The following DPP6 variants were observed in gnomAD, a reference collection of about 807,000 sequenced individuals.
The protein encoded by DPP6 is dipeptidyl peptidase like 6.
DPP6 carries 69 observed loss-of-function variants against 122.6 expected under a neutral mutation model. The ratio of observed to expected loss-of-function variants is 0.56; its 90% CI spans 0.46 to 0.69. The LOEUF is 0.69. Ranked by LOEUF, DPP6 falls within the 30% of genes least tolerant of loss-of-function variation. The pLI is 0.00. For synonymous variants in DPP6, 418 were observed against 433.1 expected (o/e 0.97, Z 0.43); for missense variants, 928 against 1,116.9 (o/e 0.83, Z 2.41).
chr7:154,790,273 C>T (rs918863698), intron 10 of DPP6, among the ~76,000 whole-genome samples: 2 of 152,160 alleles, frequency 1.3e-5, no homozygotes, highest in Non-Finnish European at 2.9e-5. Flanking sequence ...GAAATGTTGA[C>T]TAGAGATGAG....
intron 1 of DPP6, among the ~76,000 whole-genome samples, chr7:154,204,804 C>T (rs958526244): frequency 8.8e-5 from 10 of 113,976 alleles, no homozygotes; most frequent in Non-Finnish European, 1.6e-4. Context: ...TGTGTCTGTA[C>T]GTGTGTGAGT....
At chr7:154,851,485 T>A (rs1802378339) in intron 16 of DPP6, among the ~76,000 whole-genome samples, 1 of 152,224 alleles carries the variant, frequency 6.6e-6, no homozygotes, top group Non-Finnish European at 1.5e-5. Context: ...AATAACTGAT[T>A]CTTTCTTCTA....
intron 1 of DPP6, among the ~76,000 whole-genome samples, chr7:153,925,403 C>T (rs1800842582): frequency 6.6e-6 from 1 of 150,894 alleles, no homozygotes. Context: ...CGTGGAGGGT[C>T]CCTGAGGTTC....
At chr7:154,088,003 TC>T (rs1804548699) in intron 1 of DPP6, among the ~76,000 whole-genome samples, 1 of 152,130 alleles carries the variant, frequency 6.6e-6, no homozygotes, top group African/African-American at 2.4e-5. Flanking sequence ...TCTCTTGTCT[TC>T]CTGGGTGTGC....
At chr7:154,738,711 A>G (rs1660408975) in intron 8 of DPP6, among the ~76,000 whole-genome samples, 1 of 152,228 alleles carries the variant, frequency 6.6e-6, no homozygotes, top group Non-Finnish European at 1.5e-5. Flanking sequence ...AAGAGGAAAT[A>G]TTAGAAATTT....
At position 154,160,665 on chromosome 7, in the gene DPP6, C is replaced by T. The variant is rs991343540; in HGVS notation, c.243+107602C>T. On this transcript the variant is annotated intron_variant, in intron 1 of 25. Transcript: ENST00000377770. ...AGTTATAGAAGCCAGTAGCCAAACC[C>T]GGTATACCCAAATGTTTAGCTTAGA... Among the ~76,000 whole-genome samples the T allele has an allele frequency of 2.6e-5, 4 of 152,218 alleles. No homozygotes were observed. In the East Asian group the frequency reaches 5.8e-4, roughly 22 times the overall value.
chr7:154,570,012 G>T (rs1049662079), intron 5 of DPP6, among the ~76,000 whole-genome samples: 8 of 151,868 alleles, frequency 5.3e-5, no homozygotes, highest in Non-Finnish European at 1.0e-4. Flanking sequence ...CACTTCCAGG[G>T]TATATGTGTT....
the DPP6 span, among the ~76,000 whole-genome samples, chr7:153,848,003 C>T: frequency 1.3e-5 from 2 of 152,144 alleles, no homozygotes; most frequent in African/African-American, 4.8e-5. Context: ...GTACTGGGAA[C>T]CTTGCCAGGC....
At chr7:153,870,735 A>C in the DPP6 span, among the ~76,000 whole-genome samples, 1 of 152,190 alleles carries the variant, frequency 6.6e-6, no homozygotes, top group African/African-American at 2.4e-5. Context: ...TCTGATTTTT[A>C]GAGTTTCTGG....
intron 1 of DPP6, among the ~76,000 whole-genome samples, chr7:153,984,513 GAAAC>G (rs1264754487): frequency 6.6e-6 from 1 of 152,182 alleles, no homozygotes; most frequent in East Asian, 1.9e-4. Flanking sequence ...ATTTGTGCAT[GAAAC>G]TGCCTTGGAG....
In DPP6 at chr7:154,624,306, G is replaced by A. The variant is rs1258966433; in HGVS notation, c.628-13515G>A. ...CACGTCACTGCACTCCAGCCAGGGCGACAGAGTGAGACTCCATCTTAAAAA... is the reference window on the plus strand; with the variant it reads ...CACGTCACTGCACTCCAGCCAGGGCAACAGAGTGAGACTCCATCTTAAAAA... On this transcript the variant is annotated intron_variant, in intron 5 of 25. Transcript: ENST00000377770. The surrounding 1 kb of genome is among the most constrained non-coding windows in gnomAD (Gnocchi z 4.7). Among the ~76,000 whole-genome samples the A allele has an allele frequency of 1.4e-4, 20 of 141,080 alleles. No homozygotes were observed. The highest frequency in any genetic ancestry group is 1.4e-3 in the Admixed American group (19 of 13,632). 92.6% of individuals were successfully genotyped at this position (141,080 alleles called of 152,430 possible). A position where few individuals can be genotyped will look rare whatever the true frequency, so the allele number is the denominator to read the frequency against.
intron 1 of DPP6, among the ~76,000 whole-genome samples, chr7:153,894,378 C>T (rs1313773785): frequency 6.6e-6 from 1 of 152,152 alleles, no homozygotes; most frequent in Non-Finnish European, 1.5e-5. Flanking sequence ...AAGAGCGTGC[C>T]TCAGATCTTC....
At chr7:153,832,633 T>C in the DPP6 span, among the ~76,000 whole-genome samples, 5 of 151,702 alleles carry the variant, frequency 3.3e-5, no homozygotes, top group East Asian at 1.9e-4. Flanking sequence ...TGGAGGGATA[T>C]ATAAATAAGT....
intron 1 of DPP6, among the ~76,000 whole-genome samples, chr7:154,034,618 C>G (rs186295685): frequency 6.6e-6 from 1 of 152,046 alleles, no homozygotes; most frequent in Non-Finnish European, 1.5e-5. Context: ...TTTTGGAGCT[C>G]GACAAGCATG....
intron 1 of DPP6, among the ~76,000 whole-genome samples, chr7:154,135,012 C>T (rs1585453543): frequency 6.6e-6 from 1 of 152,044 alleles, no homozygotes; most frequent in East Asian, 2.0e-4. Flanking sequence ...TGAGTGAACA[C>T]TTCCTGTGAG....
At chr7:154,587,421 C>T in intron 5 of DPP6, 1 of 592,698 alleles carries the variant, frequency 1.7e-6, no homozygotes. Context: ...CCGCTTTCCA[C>T]CTGTCCTTCC....
chr7:154,636,965 G>T (rs988697375), intron 5 of DPP6, among the ~76,000 whole-genome samples: 2 of 152,174 alleles, frequency 1.3e-5, no homozygotes, highest in Non-Finnish European at 2.9e-5. Flanking sequence ...TAAAGGAAAG[G>T]GTTGGGGGAA....
chr7:154,633,361 G>A (rs531562136), intron 5 of DPP6, among the ~76,000 whole-genome samples: 7 of 152,094 alleles, frequency 4.6e-5, no homozygotes, highest in Admixed American at 6.6e-5. Flanking sequence ...CTCAGCCTCC[G>A]GAGTAGCTGC....
chr7:154,644,162 G>A (rs1428475870), intron 6 of DPP6, among the ~76,000 whole-genome samples: 4 of 152,194 alleles, frequency 2.6e-5, no homozygotes, highest in Non-Finnish European at 4.4e-5. Context: ...AGAGGAATGT[G>A]ATGAAAACAG....
Sources: allele counts gnomAD v4.1 joint callset (sites outside exome capture counted in the v4.1 genomes callset), GRCh38; gene constraint gnomAD v4.1.1; non-coding constraint Gnocchi (gnomAD v3.1); transcripts MANE v1.5; gene names NCBI Gene and HGNC (gene_info 2026-07-23, HGNC 2026-07-21).